The following AAMDC variants were observed in gnomAD, a reference collection of about 807,000 sequenced individuals.
AAMDC encodes the protein mth938 domain-containing protein.
AAMDC carries 16 observed loss-of-function variants against 15.5 expected under a neutral mutation model. The ratio of observed to expected loss-of-function variants is 1.03; its 90% CI spans 0.70 to 1.57. The LOEUF (loss-of-function observed/expected upper bound fraction) is 1.57, where lower values mean the gene tolerates loss of function less well. Among genes scored for constraint, AAMDC ranks in the 40% most tolerant of loss-of-function variants. AAMDC has a pLI of 0.00. For missense variants in AAMDC, 141 were observed against 144.9 expected, an observed-to-expected ratio of 0.97 and a Z score of 0.14; for synonymous variants, 51 against 51.6, an observed-to-expected ratio of 0.99 and a Z score of 0.05.
chr11:77,884,844 T>C, intron 5 of AAMDC: 2 of 382,934 alleles, frequency 5.2e-6, no homozygotes, highest in Admixed American at 2.6e-5. Flanking sequence ...AGCCTCAAAC[T>C]CCTGGGCGCA....
At chr11:77,894,689 T>G (rs1447839190) in intron 5 of AAMDC, among the ~76,000 whole-genome samples, 1 of 152,238 alleles carries the variant, frequency 6.6e-6, no homozygotes, top group East Asian at 1.9e-4. Flanking sequence ...GAGTCCTTGC[T>G]TCATTAGCAT....
At chr11:77,901,870 T>A (rs577754091), downstream of AAMDC, among the ~76,000 whole-genome samples, 104 of 151,902 alleles carry the variant, frequency 6.8e-4, 2 homozygotes, top group East Asian at 0.019. Context: ...CACTCTGCTG[T>A]GGGAACAAAT....
At chr11:77,883,721 A>C in intron 5 of AAMDC, 10 of 1,112,712 alleles carry the variant, frequency 9.0e-6, no homozygotes, top group Non-Finnish European at 1.3e-5. Flanking sequence ...CAATTCTTAC[A>C]AGGCCTGATT....
At chr11:77,883,593 C>T (rs1951876059) in intron 5 of AAMDC, among the ~76,000 whole-genome samples, 2 of 152,178 alleles carry the variant, frequency 1.3e-5, no homozygotes, top group South Asian at 2.1e-4. Flanking sequence ...CTATCATAAT[C>T]GCCTGTATAT....
chr11:77,885,154 T>A (rs1247430297), intron 5 of AAMDC, among the ~76,000 whole-genome samples: 1 of 152,078 alleles, frequency 6.6e-6, no homozygotes, highest in Non-Finnish European at 1.5e-5. Flanking sequence ...CTCGGCTCAC[T>A]GCAACCTCCG....
intron 5 of AAMDC, chr11:77,883,854 A>G (rs1049326114): frequency 6.2e-7 from 1 of 1,612,888 alleles, no homozygotes; most frequent in African/African-American, 1.3e-5. Context: ...TGTGGGAGAG[A>G]TAAACCTGAG....
chr11:77,900,292 G>C (rs1404808037), intron 5 of AAMDC, among the ~76,000 whole-genome samples: 4 of 151,854 alleles, frequency 2.6e-5, no homozygotes, highest in African/African-American at 4.8e-5. Context: ...GTAGAGACAG[G>C]GTTTCACCAT....
At chr11:77,872,071 G>A (rs1458644413) in intron 3 of AAMDC, 104 bp from the exon 4 acceptor site, 5 of 1,266,808 alleles carry the variant, frequency 3.9e-6, no homozygotes, top group Admixed American at 2.9e-5. Context: ...GTGAAGTGAC[G>A]ATTGTCACTG....
downstream of AAMDC, chr11:77,872,397 A>G: frequency 6.7e-7 from 1 of 1,496,648 alleles, no homozygotes; most frequent in South Asian, 1.4e-5. Flanking sequence ...GCCTCCCCTA[A>G]ACATTTTTGG....
chr11:77,844,156 A>G (rs895282457), intron 2 of AAMDC, among the ~76,000 whole-genome samples: 5 of 152,156 alleles, frequency 3.3e-5, no homozygotes, highest in African/African-American at 1.2e-4. Context: ...GTATCCTTAC[A>G]TAGTGGAAAG....
chr11:77,881,597 G>C (rs537587376), intron 5 of AAMDC, among the ~76,000 whole-genome samples: 3 of 152,204 alleles, frequency 2.0e-5, no homozygotes, highest in Admixed American at 2.0e-4. Flanking sequence ...CTGCAGAGTT[G>C]GTCTAAAGAT....
chr11:77,889,957 A>G (rs1385491356), intron 5 of AAMDC, among the ~76,000 whole-genome samples: 1 of 152,208 alleles, frequency 6.6e-6, no homozygotes, highest in Non-Finnish European at 1.5e-5. Flanking sequence ...GACAATGTAA[A>G]ACAGTAGTTC....
chr11:77,823,039 C>G (rs894529171), intron 1 of AAMDC, among the ~76,000 whole-genome samples: 5 of 151,780 alleles, frequency 3.3e-5, no homozygotes, highest in African/African-American at 1.2e-4. Flanking sequence ...CGCGGTGAAA[C>G]CCGTCTCTAC....
chr11:77,891,880 G>T (rs745391845), intron 5 of AAMDC: 1 of 1,610,128 alleles, frequency 6.2e-7, no homozygotes, highest in East Asian at 2.2e-5. Context: ...ATTCAACTGT[G>T]CACTCATTCA....
At chr11:77,882,302 A>G (rs1363606239) in intron 5 of AAMDC, among the ~76,000 whole-genome samples, 1 of 152,156 alleles carries the variant, frequency 6.6e-6, no homozygotes, top group Non-Finnish European at 1.5e-5. Flanking sequence ...CTTAAGAGGA[A>G]ATGGGGCCTA....
chr11:77,885,459 G>C (rs1951964825), intron 5 of AAMDC, among the ~76,000 whole-genome samples: 1 of 152,124 alleles, frequency 6.6e-6, no homozygotes, highest in Non-Finnish European at 1.5e-5. Flanking sequence ...AAAAATGCAG[G>C]TGTCTCAGTT....
At chr11:77,885,383 T>G (rs958337823) in intron 5 of AAMDC, among the ~76,000 whole-genome samples, 1 of 151,800 alleles carries the variant, frequency 6.6e-6, no homozygotes, top group African/African-American at 2.4e-5. Context: ...GGCCTACCCT[T>G]ATTTCTTAAA....
At chr11:77,823,422 T>C (rs1949023313) in intron 1 of AAMDC, among the ~76,000 whole-genome samples, 1 of 151,570 alleles carries the variant, frequency 6.6e-6, no homozygotes, top group South Asian at 2.1e-4. Context: ...CCTGGGGACC[T>C]GAAGACTCCA....
In AAMDC at chr11:77,869,148, A is replaced by G. The variant is rs1018721119; in HGVS notation, c.133-574A>G. 1.2e-5 allele frequency: 3 copies of G among 251,172 alleles called. No homozygotes were observed. The Admixed American group carries it at 1.2e-4, about 10-fold the overall frequency. 15.6% of individuals were successfully genotyped at this position (251,172 alleles called of 1,614,324 possible). On this transcript the variant is annotated intron_variant, in intron 2 of 3. Transcript: ENST00000393427. ...CAACTCCATATTTTCTAAAAGGCCT[A>G]GAGGACATATATTGGGTGCATCTCC...
Sources: allele counts gnomAD v4.1 joint callset (sites outside exome capture counted in the v4.1 genomes callset), GRCh38; gene constraint gnomAD v4.1.1; transcripts MANE v1.5; gene names NCBI Gene and HGNC (gene_info 2026-07-23, HGNC 2026-07-21).